STK32B: variants seen among roughly 807,000 people sequenced by gnomAD.
STK32B encodes the protein serine/threonine kinase 32B.
A neutral mutation model predicts 52.6 loss-of-function variants in STK32B; 43 were observed. The observed-to-expected ratio is 0.82, with a 90% CI of 0.64 to 1.05. The LOEUF (loss-of-function observed/expected upper bound fraction) is 1.05, where lower values mean the gene tolerates loss of function less well. Among genes scored for constraint, STK32B ranks in the 50% least tolerant of loss-of-function variants. The pLI, the probability that STK32B is intolerant of heterozygous loss-of-function variation, is 0.00. For missense variants in STK32B, 621 were observed against 534.6 expected (o/e 1.16, Z -1.59); for synonymous variants, 238 against 204.3 (o/e 1.17, Z -1.41).
rs534190032 is a variant in STK32B, at chr4:5,386,389, G to A, written c.435-11818G>A. 2.0e-5 allele frequency among the ~76,000 whole-genome samples: 3 copies of A among 152,106 alleles called. No individual in the cohort carries two copies. Among genetic ancestry groups the A allele is most frequent in the African/African-American group, 2.4e-5 (1 of 41,410 alleles). On this transcript the variant is annotated intron_variant, in intron 4 of 11. Transcript: ENST00000282908. This position sits in a 1 kb window ranked among gnomAD's most constrained non-coding sequence, Gnocchi z 4.5. The stretch of plus-strand genomic sequence containing the variant: ...GGGTGGAAATGGTGGGCCAGAGGGA[G>A]GGGGAGTGGGAACCATGGTAGAAGC...
At chr4:5,471,953 C>G (rs561242595) in intron 11 of STK32B, among the ~76,000 whole-genome samples, 31 of 152,320 alleles carry the variant, frequency 2.0e-4, no homozygotes, top group African/African-American at 7.5e-4. Context: ...GGGGCCTTAA[C>G]TTCCCTGCAC....
chr4:5,027,084 C>T, the STK32B span, among the ~76,000 whole-genome samples: 4 of 152,120 alleles, frequency 2.6e-5, no homozygotes, highest in Non-Finnish European at 4.4e-5. Context: ...AATACCTAGC[C>T]GGACATTGCC....
chr4:5,259,279 T>C (rs1726547231), intron 3 of STK32B, among the ~76,000 whole-genome samples: 1 of 152,246 alleles, frequency 6.6e-6, no homozygotes, highest in Non-Finnish European at 1.5e-5. Flanking sequence ...AATTCTTATG[T>C]CTGTTTCTTC....
upstream of STK32B, among the ~76,000 whole-genome samples, chr4:5,049,841 C>T (rs561044116): frequency 6.6e-6 from 1 of 152,260 alleles, no homozygotes; most frequent in South Asian, 2.1e-4. Flanking sequence ...CCCGCCTCAG[C>T]CTCCCAAAGT....
At chr4:5,490,485 A>G (rs187163912) in intron 11 of STK32B, among the ~76,000 whole-genome samples, 45 of 152,304 alleles carry the variant, frequency 3.0e-4, no homozygotes, top group Admixed American at 2.7e-3. Context: ...ACTGAATTGG[A>G]CAAAGAATAA....
In STK32B at chr4:5,222,952, G is replaced by A. The variant is rs542359673; in HGVS notation, c.260+54502G>A. The stretch of plus-strand genomic sequence containing the variant: ...TGACCCAGAGATCTTTGGGATAGCC[G>A]TACCCATCACAGGCCCAGAGTGCCA... On this transcript the variant is annotated intron_variant, in intron 3 of 11. Coordinates refer to ENST00000282908, the MANE Select transcript of STK32B (RefSeq NM_018401.3). Among the ~76,000 whole-genome samples, 32 of 152,302 alleles carry A rather than the reference G, an allele frequency of 2.1e-4. No homozygotes were observed. In the East Asian group the frequency reaches 3.5e-3, roughly 17 times the overall value.
chr4:5,287,485 G>GTT (rs36053388), intron 3 of STK32B, among the ~76,000 whole-genome samples: 3 of 151,702 alleles, frequency 2.0e-5, no homozygotes, highest in African/African-American at 7.3e-5. Context: ...TAATTCTAAA[G>GTT]TTTTTTTTAT....
chr4:5,159,735 A>G (rs1016688980), intron 2 of STK32B, among the ~76,000 whole-genome samples: 3 of 138,562 alleles, frequency 2.2e-5, no homozygotes. Flanking sequence ...ATGAATATAT[A>G]TATGAATATA....
At chr4:5,217,253 TTGAC>T in intron 3 of STK32B, among the ~76,000 whole-genome samples, 1 of 152,308 alleles carries the variant, frequency 6.6e-6, no homozygotes, top group African/African-American at 2.4e-5. Context: ...AGGATTATGA[TTGAC>T]TGATGTAATT....
intron 3 of STK32B, among the ~76,000 whole-genome samples, chr4:5,251,852 T>G (rs1725956849): frequency 6.6e-6 from 1 of 152,198 alleles, no homozygotes; most frequent in Non-Finnish European, 1.5e-5. Flanking sequence ...TTGTAACATT[T>G]GATAATATGT....
At chr4:5,278,219 TA>T (rs2108866779) in intron 3 of STK32B, among the ~76,000 whole-genome samples, 1 of 152,254 alleles carries the variant, frequency 6.6e-6, no homozygotes, top group South Asian at 2.1e-4. Context: ...AAAATACATT[TA>T]AAAATTAAGT....
At chr4:5,059,036 C>T (rs1742115726) in intron 1 of STK32B, among the ~76,000 whole-genome samples, 1 of 149,074 alleles carries the variant, frequency 6.7e-6, no homozygotes, top group African/African-American at 2.5e-5. Flanking sequence ...CAGGCGTGAG[C>T]CACCACGCCC....
chr4:5,076,358 T>G (rs1021155904), intron 1 of STK32B, among the ~76,000 whole-genome samples: 2 of 152,186 alleles, frequency 1.3e-5, no homozygotes, highest in Non-Finnish European at 2.9e-5. Flanking sequence ...TCCCCTATTT[T>G]GGGGGCATTT....
At chr4:5,346,812 T>C (rs1733494468) in intron 4 of STK32B, among the ~76,000 whole-genome samples, 1 of 152,148 alleles carries the variant, frequency 6.6e-6, no homozygotes, top group African/African-American at 2.4e-5. Context: ...CAAGACTGGG[T>C]AGTTTAGAAA....
the STK32B span, among the ~76,000 whole-genome samples, chr4:5,040,892 CT>C: frequency 3.3e-5 from 5 of 152,170 alleles, no homozygotes; most frequent in Admixed American, 2.6e-4. Context: ...CATGAATACC[CT>C]AGGCAACTGT....
intron 3 of STK32B, among the ~76,000 whole-genome samples, chr4:5,323,570 A>G (rs1048912280): frequency 1.3e-5 from 2 of 152,204 alleles, no homozygotes; most frequent in Non-Finnish European, 2.9e-5. Context: ...AGGTAGTGAC[A>G]TAAACAGCAG....
intron 3 of STK32B, among the ~76,000 whole-genome samples, chr4:5,325,073 G>A (rs1341069401): frequency 2.0e-5 from 3 of 152,176 alleles, no homozygotes; most frequent in African/African-American, 4.8e-5. Flanking sequence ...AAGTTCATCC[G>A]TGAGCATGAC....
chr4:5,144,899 A>G (rs1399121927), intron 2 of STK32B, among the ~76,000 whole-genome samples: 3 of 152,170 alleles, frequency 2.0e-5, no homozygotes, highest in Non-Finnish European at 2.9e-5. Context: ...AGTAAACCAG[A>G]TATGGTGCCT....
At position 5,386,746 on chromosome 4, in the gene STK32B, A is replaced by C. The variant is rs374077724; in HGVS notation, c.435-11461A>C. Among the ~76,000 whole-genome samples the C allele has an allele frequency of 5.8e-4, 89 of 152,320 alleles. 1 individual carries two copies. In the South Asian group the frequency reaches 0.015, roughly 25 times the overall value. On this transcript the variant is annotated intron_variant, in intron 4 of 11. Transcript: ENST00000282908. This position sits in a 1 kb window ranked among gnomAD's most constrained non-coding sequence, Gnocchi z 4.5. ...AACTCATCTAAACGTAGGTCCCCTC[A>C]TCTGGAAAATGACCAGGTCGTTCCG...
Sources: allele counts gnomAD v4.1 joint callset (sites outside exome capture counted in the v4.1 genomes callset), GRCh38; gene constraint gnomAD v4.1.1; non-coding constraint Gnocchi (gnomAD v3.1); transcripts MANE v1.5; gene names NCBI Gene and HGNC (gene_info 2026-07-23, HGNC 2026-07-21).